The following HECW1 variants were observed in gnomAD, a reference collection of about 807,000 sequenced individuals.
HECW1 encodes the protein HECT, C2 and WW domain containing E3 ubiquitin protein ligase 1, also known as E3 ubiquitin-protein ligase HECW1.
In HECW1, 61 loss-of-function variants were observed where a neutral mutation model predicts 182.3. The ratio of observed to expected loss-of-function variants is 0.33; its 90% confidence interval spans 0.27 to 0.41. The LOEUF (loss-of-function observed/expected upper bound fraction) is 0.41, where lower values mean the gene tolerates loss of function less well. Ranked by LOEUF, HECW1 falls within the 10% of genes least tolerant of loss-of-function variation. The probability of loss-of-function intolerance (pLI) is 1.00; values close to 1 mark genes in which losing one functional copy is unlikely to be tolerated. For missense variants in HECW1, 1,739 were observed against 2,108.9 expected, an observed-to-expected ratio of 0.82 and a Z score of 3.44; for synonymous variants, 859 against 832.6, an observed-to-expected ratio of 1.03 and a Z score of -0.55.
At chr7:43,356,463 G>A (rs1815148643) in intron 5 of HECW1, among the ~76,000 whole-genome samples, 1 of 151,948 alleles carries the variant, frequency 6.6e-6, no homozygotes, top group Non-Finnish European at 1.5e-5. Context: ...TCATAATAGG[G>A]GACTTCAATA....
chr7:43,155,781 C>G (rs1214723027), intron 2 of HECW1, among the ~76,000 whole-genome samples: 1 of 152,184 alleles, frequency 6.6e-6, no homozygotes, highest in Non-Finnish European at 1.5e-5. Flanking sequence ...TTCAGAGAAA[C>G]CCTTGTGCTC....
intron 4 of HECW1, among the ~76,000 whole-genome samples, 172 bp from the exon 5 acceptor site, chr7:43,320,463 G>C (rs931254863): frequency 9.2e-5 from 14 of 152,212 alleles, no homozygotes; most frequent in African/African-American, 3.4e-4. Flanking sequence ...AAAAGCGTTT[G>C]GTCCCAATGG....
At chr7:43,244,264 A>G (rs1483776635) in intron 3 of HECW1, among the ~76,000 whole-genome samples, 1 of 152,214 alleles carries the variant, frequency 6.6e-6, no homozygotes, top group Non-Finnish European at 1.5e-5. Context: ...TCCGCTGTCT[A>G]TGGGTAATTG....
chr7:43,415,551 A>T (rs1353038650), intron 8 of HECW1, among the ~76,000 whole-genome samples: 2 of 151,946 alleles, frequency 1.3e-5, no homozygotes, highest in African/African-American at 4.8e-5. Context: ...CGTTCTCTGT[A>T]TTTCCTGAAT....
chr7:43,341,144 C>T (rs1434059882), intron 5 of HECW1, among the ~76,000 whole-genome samples: 3 of 151,508 alleles, frequency 2.0e-5, no homozygotes, highest in Non-Finnish European at 4.4e-5. Context: ...GAATATCACA[C>T]CCCAGGGTCT....
chr7:43,410,063 A>G (rs1482625295), intron 8 of HECW1, among the ~76,000 whole-genome samples: 1 of 152,208 alleles, frequency 6.6e-6, no homozygotes, highest in African/African-American at 2.4e-5. Flanking sequence ...CCACTGCACC[A>G]TCCTTAGCAG....
intron 15 of HECW1, among the ~76,000 whole-genome samples, chr7:43,468,525 C>CTT (rs141068199): frequency 4.6e-4 from 67 of 145,886 alleles, no homozygotes; most frequent in South Asian, 2.4e-3. Flanking sequence ...TGCACATTCA[C>CTT]TTTTTTTTTT....
At chr7:43,127,342 G>A (rs1455931438) in intron 2 of HECW1, among the ~76,000 whole-genome samples, 2 of 151,932 alleles carry the variant, frequency 1.3e-5, no homozygotes, top group Admixed American at 1.3e-4. Context: ...TGACCAACAA[G>A]GAGAAACCCC....
chr7:43,445,420 C>T lies in HECW1; in HGVS notation c.2248C>T (p.Pro750Ser), dbSNP rs1244785272. 4.3e-6 allele frequency: 7 copies of T among 1,613,456 alleles called. No homozygotes were observed. The highest frequency in any genetic ancestry group is 5.9e-6 in the Non-Finnish European group (7 of 1,179,982). The part of the protein sequence containing the change: ...EEENSAFESV[P>S]DSMQSPELDP... ...GGAGAACAGCGCGTTCGAGTCGGTA[C>T]CCGACTCCATGCAGAGCCCTGAGCT... The change falls in exon 11 of 30, where the codon CCC becomes TCC. Residue 750 changes from proline to serine, a missense_variant. By Grantham distance (74) the Pro-to-Ser change is moderately conservative. Transcript: ENST00000395891.
At chr7:43,299,706 A>C (rs1806492572) in intron 3 of HECW1, among the ~76,000 whole-genome samples, 1 of 152,238 alleles carries the variant, frequency 6.6e-6, no homozygotes, top group Non-Finnish European at 1.5e-5. Context: ...ATAGTAGCTA[A>C]GTGTCCCCTT....
intron 3 of HECW1, among the ~76,000 whole-genome samples, chr7:43,276,555 G>A (rs1015440813): frequency 6.6e-6 from 1 of 152,206 alleles, no homozygotes; most frequent in Non-Finnish European, 1.5e-5. Flanking sequence ...CCTGTGTCAT[G>A]TGGAATTCCA....
At chr7:43,132,580 G>A (rs1787076183) in intron 2 of HECW1, among the ~76,000 whole-genome samples, 1 of 151,868 alleles carries the variant, frequency 6.6e-6, no homozygotes, top group Non-Finnish European at 1.5e-5. Flanking sequence ...CCCTTTAGGG[G>A]AAGAGAGTCA....
chr7:43,357,480 C>T (rs1230932887), intron 5 of HECW1, among the ~76,000 whole-genome samples: 3 of 152,120 alleles, frequency 2.0e-5, no homozygotes, highest in African/African-American at 7.2e-5. Flanking sequence ...ATAAATATTG[C>T]ATGTTTTCAT....
chr7:43,507,060 A>G (rs916561740), intron 21 of HECW1, 77 bp from the exon 22 acceptor site: 2 of 1,531,978 alleles, frequency 1.3e-6, no homozygotes, highest in Admixed American at 2.0e-5. Flanking sequence ...ACAGAGCGAG[A>G]CTCCTTCTCA....
chr7:43,502,087 C>T (rs1378613607), intron 21 of HECW1, among the ~76,000 whole-genome samples: 1 of 152,212 alleles, frequency 6.6e-6, no homozygotes, highest in Admixed American at 6.5e-5. Flanking sequence ...TAAATTGTTG[C>T]ATTCCAAAGT....
At chr7:43,316,803 CCG>C (rs1470003282) in intron 4 of HECW1, among the ~76,000 whole-genome samples, 3 of 37,198 alleles carry the variant, frequency 8.1e-5, no homozygotes, top group Non-Finnish European at 1.3e-4. Flanking sequence ...CTCTCCTCTC[CCG>C]TCCCGTCTCC....
intron 12 of HECW1, among the ~76,000 whole-genome samples, chr7:43,453,870 C>T (rs2217741): frequency 0.027 from 4,115 of 152,252 alleles, 86 homozygotes; most frequent in East Asian, 0.096. Flanking sequence ...AGTTCCATTT[C>T]AAATTTATTT....
chr7:43,371,719 C>A (rs755575847), intron 6 of HECW1, among the ~76,000 whole-genome samples: 1 of 152,160 alleles, frequency 6.6e-6, no homozygotes, highest in Non-Finnish European at 1.5e-5. Context: ...AAGCCAGTGT[C>A]TCCGTTAGGG....
intron 8 of HECW1, among the ~76,000 whole-genome samples, chr7:43,412,760 A>C (rs952103394): frequency 2.0e-5 from 3 of 151,698 alleles, no homozygotes; most frequent in Non-Finnish European, 4.4e-5. Flanking sequence ...AATTTCATCC[A>C]TGTCCCTACA....
Sources: allele counts gnomAD v4.1 joint callset (sites outside exome capture counted in the v4.1 genomes callset), GRCh38; gene constraint gnomAD v4.1.1; transcripts MANE v1.5; gene names NCBI Gene and HGNC (gene_info 2026-07-23, HGNC 2026-07-21).